The following PSMD6 variants were observed in gnomAD, a reference collection of about 807,000 sequenced individuals.
The protein encoded by PSMD6 is 26S proteasome non-ATPase regulatory subunit 6.
PSMD6 carries 7 observed loss-of-function variants against 44.9 expected under a neutral mutation model. The observed-to-expected ratio is 0.16, with a 90% confidence interval of 0.09 to 0.29. The LOEUF is 0.29. Among genes scored for constraint, PSMD6 ranks in the 10% least tolerant of loss-of-function variants. The pLI, the probability that PSMD6 is intolerant of heterozygous loss-of-function variation, is 1.00. For missense variants in PSMD6, 420 were observed against 482.6 expected (o/e 0.87, Z 1.21); for synonymous variants, 184 against 172.7 (o/e 1.07, Z -0.51).
upstream of PSMD6, chr3:64,023,657 A>C (rs971003934): frequency 2.0e-4 from 287 of 1,452,336 alleles, 1 homozygote; most frequent in Non-Finnish European, 2.5e-4. Flanking sequence ...GGAGTCCCAG[A>C]GTGGGTGCAG....
chr3:64,023,665 C>G (rs1458951262), upstream of PSMD6: 2 of 1,466,814 alleles, frequency 1.4e-6, no homozygotes, highest in Non-Finnish European at 1.8e-6. Context: ...AGAGTGGGTG[C>G]AGCCCAACTC....
rs2075990795 is a variant in PSMD6 at position 64,013,268 on chromosome 3, G to A, written c.995+171C>T. 17 of 564,608 alleles carry A rather than the reference G, an allele frequency of 3.0e-5. No homozygotes were observed. In the South Asian group the frequency reaches 4.3e-4, roughly 14 times the overall value. 35.0% of individuals were successfully genotyped at this position (564,608 alleles called of 1,614,324 possible). A position where few individuals can be genotyped will look rare whatever the true frequency, so the allele number is the denominator to read the frequency against. ...ATGCAAGGGGCAGACATGACATGAGGAAGGCAGAGGCAACAGGATACGAAT... is the reference window on the plus strand; with the variant it reads ...ATGCAAGGGGCAGACATGACATGAGAAAGGCAGAGGCAACAGGATACGAAT... On this transcript the variant is annotated intron_variant, in intron 6 of 7. Coordinates refer to ENST00000295901, the MANE Select transcript of PSMD6 (RefSeq NM_014814.3).
chr3:64,019,508 CTG>C, intron 2 of PSMD6, 67 bp from the exon 3 acceptor site: 1 of 1,509,160 alleles, frequency 6.6e-7, no homozygotes, highest in South Asian at 1.2e-5. Context: ...TATCAGCTGT[CTG>C]GGATTTTCTT....
rs978362564 is a variant in PSMD6, at chr3:64,019,253, C to T, written c.497+43G>A. 6 of 1,530,252 alleles carry T rather than the reference C, an allele frequency of 3.9e-6. No homozygotes were observed. The East Asian group carries it at 1.4e-4, about 34-fold the overall frequency. The allele number at this position is 1,530,252 out of a possible 1,614,324, so 94.8% of individuals were successfully genotyped here. On this transcript the variant is annotated intron_variant, in intron 3 of 7. Transcript: ENST00000295901. ...TCTTATATCAGCTTCTCATTTGTAG[C>T]ATCATAATTTAGAGAAAATATAATC...
At chr3:64,017,516 G>A (rs1215312589) in intron 5 of PSMD6, 1 of 152,292 alleles carries the variant, frequency 6.6e-6, no homozygotes, top group Admixed American at 6.5e-5. Flanking sequence ...ATGACCAGGA[G>A]ACCTCAAGCA....
In PSMD6 at chr3:64,013,323, T is replaced by TCCCCTCCCCGTTAAGATTGAGGG. The variant is rs1559673645; in HGVS notation, c.995+93_995+115dup. 1.2e-4 allele frequency: 131 copies of TCCCCTCCCCGTTAAGATTGAGGG among 1,086,818 alleles called. 1 individual carries two copies. The South Asian group carries it at 1.7e-3, about 14-fold the overall frequency. 67.3% of individuals were successfully genotyped at this position (1,086,818 alleles called of 1,614,324 possible). A position where few individuals can be genotyped will look rare whatever the true frequency, so the allele number is the denominator to read the frequency against. On this transcript the variant is annotated intron_variant, in intron 6 of 7. Coordinates refer to ENST00000295901, the MANE Select transcript of PSMD6 (RefSeq NM_014814.3). ...TGATAATACTGAGGAAAAAAACCTC[T>TCCCCTCCCCGTTAAGATTGAGGG]CCCCTCCCCGTTAAGATTGAGGGAA...
chr3:64,010,999 T>G (rs759579084), intron 6 of PSMD6, 44 bp from the exon 7 acceptor site: 4 of 1,483,004 alleles, frequency 2.7e-6, no homozygotes, highest in South Asian at 2.4e-5. Context: ...TTATAGAAAA[T>G]TCTTAGAAAA....
chr3:64,023,336 C>A lies in PSMD6; in HGVS notation c.84G>T (p.Leu28=). 1 of 1,605,918 alleles carries A rather than the reference C, an allele frequency of 6.2e-7. No homozygotes were observed. Among genetic ancestry groups the A allele is most frequent in the Admixed American group, 1.7e-5 (1 of 59,014 alleles). ...RIAQLRFLLS[L]PEHRGDAAVR... ...CGGCAGCGTCTCCGCGGTGCTCGGG[C>A]AGGCTGAGCAGGAAGCGCAGCTGCG... The change falls in exon 1 of 8, where the codon CTG becomes CTT. Residue 28 remains leucine (L), a synonymous_variant. Transcript: ENST00000295901.
intron 6 of PSMD6, 110 bp downstream of exon 6, chr3:64,013,329 C>G: frequency 1.7e-6 from 2 of 1,145,270 alleles, no homozygotes; most frequent in South Asian, 3.4e-5. Flanking sequence ...CCTCTCCCCT[C>G]CCCGTTAAGA....
At chr3:64,022,965 T>C (rs1164095842) in intron 1 of PSMD6, 7 of 1,421,582 alleles carry the variant, frequency 4.9e-6, no homozygotes, top group African/African-American at 2.9e-5. Context: ...CAGTCCCCAC[T>C]GACAGAAAGT....
At chr3:64,018,772 A>C (rs372066160) in intron 4 of PSMD6, 46 bp downstream of exon 4, 123 of 1,523,808 alleles carry the variant, frequency 8.1e-5, no homozygotes, top group Middle Eastern at 3.5e-4. Flanking sequence ...GTATTTAAAC[A>C]AAAAAAACAA....
At chr3:64,023,783 C>G (rs1229253373), upstream of PSMD6, 15 of 1,471,274 alleles carry the variant, frequency 1.0e-5, no homozygotes, top group Non-Finnish European at 1.3e-5. Context: ...AATGTAATAA[C>G]AGCATTAATA....
At position 64,022,362 on chromosome 3, in the gene PSMD6, C is replaced by T; in HGVS notation, c.307G>A (p.Ala103Thr). ...KNLGESEIRDAMMAKAEYLCR... is the reference protein window; with the variant it reads ...KNLGESEIRDTMMAKAEYLCR... The stretch of plus-strand genomic sequence containing the variant: ...AGGTACTCGGCCTTTGCCATCATTG[C>T]ATCGCGAATTTCGCTCTCTCCTAGA... Residue 103 changes from alanine (A) to threonine (T), a missense_variant, in exon 2 of 8, where the codon GCA becomes ACA. Physicochemically the swap from Ala to Thr is moderately conservative, Grantham distance 58. Around this residue, in one of 4 missense-constraint regions of PSMD6, gnomAD observed 5 missense variants for 19.3 expected, o/e 0.26. Transcript: ENST00000295901. The T allele has an allele frequency of 1.2e-6, 2 of 1,614,266 alleles. No homozygotes were observed. Among genetic ancestry groups the T allele is most frequent in the East Asian group, 2.2e-5 (1 of 44,890 alleles).
chr3:64,013,948 T>G (rs1236498145), intron 5 of PSMD6: 2 of 176,996 alleles, frequency 1.1e-5, no homozygotes, highest in African/African-American at 4.7e-5. Context: ...AAATCATTTT[T>G]TAAACAATTC....
At chr3:64,021,757 G>A (rs183228015) in intron 2 of PSMD6, among the ~76,000 whole-genome samples, 1 of 151,206 alleles carries the variant, frequency 6.6e-6, no homozygotes, top group Non-Finnish European at 1.5e-5. Flanking sequence ...GTTGCAGTGA[G>A]CCAAGATCAC....
chr3:64,013,304 T>C (rs1043025903), intron 6 of PSMD6, 135 bp downstream of exon 6: 1 of 841,366 alleles, frequency 1.2e-6, no homozygotes, highest in African/African-American at 1.8e-5. Flanking sequence ...GTTTTGATAA[T>C]ACTGAGGAAA....
chr3:64,022,638 C>T lies in PSMD6; in HGVS notation c.146-115G>A, dbSNP rs780092222. On this transcript the variant is annotated intron_variant, in intron 1 of 7. Coordinates refer to ENST00000295901, the MANE Select transcript of PSMD6 (RefSeq NM_014814.3). Reference sequence around the variant, plus strand: ...AAGTCATCCACCAGTCTCTTCCCCACTAACAGGAAGGCATGCGATGGCGCT... The same window carrying T: ...AAGTCATCCACCAGTCTCTTCCCCATTAACAGGAAGGCATGCGATGGCGCT... The T allele has an allele frequency of 2.0e-5, 32 of 1,565,112 alleles. No individual in the cohort carries two copies. The African/African-American group carries it at 4.2e-4, about 21-fold the overall frequency.
chr3:64,023,616 C>CG (rs2076170875), upstream of PSMD6: 6 of 1,417,274 alleles, frequency 4.2e-6, no homozygotes, highest in Admixed American at 3.1e-5. Flanking sequence ...TGTGTGGTCA[C>CG]GGGGGCTTTT....
chr3:64,013,625 A>G lies in PSMD6; in HGVS notation c.827-18T>C. The G allele has an allele frequency of 3.1e-6, 5 of 1,595,304 alleles. No individual in the cohort carries two copies. Among genetic ancestry groups the G allele is most frequent in the Non-Finnish European group, 4.3e-6 (5 of 1,172,434 alleles). ...CACAACCGCTGCAATGAATAAAATG[A>G]CAAATTATAATAGACTCTCCGTTTC... On this transcript the variant is annotated intron_variant, in intron 5 of 7. Coordinates refer to ENST00000295901, the MANE Select transcript of PSMD6 (RefSeq NM_014814.3).
Sources: allele counts gnomAD v4.1 joint callset (sites outside exome capture counted in the v4.1 genomes callset), GRCh38; gene constraint gnomAD v4.1.1; regional missense constraint gnomAD v4.1.1; transcripts MANE v1.5; gene names NCBI Gene and HGNC (gene_info 2026-07-23, HGNC 2026-07-21).